Variants in ADAT2 observed in about 807,000 individuals in gnomAD.
ADAT2 encodes the protein adenosine deaminase tRNA specific 2.
A neutral mutation model predicts 25.9 loss-of-function variants in ADAT2; 26 were observed. The ratio of observed to expected loss-of-function variants is 1.00; its 90% CI spans 0.74 to 1.39. ADAT2 has a LOEUF of 1.39. ADAT2 is among the 40% of genes most tolerant of loss of function. The pLI is 0.00. For synonymous variants in ADAT2, 76 were observed against 86.8 expected, an observed-to-expected ratio of 0.88 and a Z score of 0.69; for missense variants, 220 against 244.8, an observed-to-expected ratio of 0.90 and a Z score of 0.68.
At position 143,442,549 on chromosome 6, in the gene ADAT2, G is replaced by A. The variant is rs905170816; in HGVS notation, c.97-3855C>T. Among the ~76,000 whole-genome samples, 1 of 151,302 alleles carries A rather than the reference G, an allele frequency of 6.6e-6. No individual in the cohort carries two copies. The highest frequency in any genetic ancestry group is 2.4e-5 in the African/African-American group (1 of 41,108). On this transcript the variant is annotated intron_variant, in intron 1 of 5. Coordinates refer to ENST00000237283, the MANE Select transcript of ADAT2 (RefSeq NM_182503.3). This position sits in a 1 kb window ranked among gnomAD's most constrained non-coding sequence, Gnocchi z 4.6. Reference sequence around the variant, plus strand: ...TGATGACATCTTAATAAGCTCTGCAGTTTTCCCAATGCATTTTTCCTGGTT... The same window carrying A: ...TGATGACATCTTAATAAGCTCTGCAATTTTCCCAATGCATTTTTCCTGGTT...
rs1199214798 is a variant in ADAT2, at chr6:143,446,555, G to C, written c.96+4008C>G. ...CAAAATTGGGGAAAGTATATGCCTC[G>C]GCAATTCACAGAAGAAAAAAATCTA... On this transcript the variant is annotated intron_variant, in intron 1 of 5. Coordinates refer to ENST00000237283, the MANE Select transcript of ADAT2 (RefSeq NM_182503.3). This position sits in a 1 kb window ranked among gnomAD's most constrained non-coding sequence, Gnocchi z 5.0. 6.6e-6 allele frequency among the ~76,000 whole-genome samples: 1 copy of C among 151,632 alleles called. No homozygotes were observed. Among genetic ancestry groups the C allele is most frequent in the Non-Finnish European group, 1.5e-5 (1 of 67,922 alleles).
rs1484113083 is a variant in ADAT2 at position 143,428,505 on chromosome 6, T to G, written c.534A>C (p.Ala178=). ...CCTTTTTCCGAACTTTCGATTTTGG[T>G]GCTGTGAAAAGAATAGAAAAGAAAA... ...KTFYKQENPN[A]PKSKVRKKEC... is the part of the protein sequence containing the mutation. The change falls in exon 6 of 6, where the codon GCA becomes GCC. Residue 178 remains alanine, a splice_region_variant and synonymous_variant. Coordinates refer to ENST00000237283, the MANE Select transcript of ADAT2 (RefSeq NM_182503.3). This position sits in a 1 kb window ranked among gnomAD's most constrained non-coding sequence, Gnocchi z 5.0. 6.2e-7 allele frequency: 1 copy of G among 1,614,006 alleles called. No individual in the cohort carries two copies. Among genetic ancestry groups the G allele is most frequent in the Non-Finnish European group, 8.5e-7 (1 of 1,179,992 alleles).
chr6:143,432,580 A>C lies in ADAT2; in HGVS notation c.384T>G (p.Asn128Lys). ...CAGAGCCACAACCACCAAATCGTTC[A>C]TTCTGACAGCCATATACAACCAGCG... ...KIPLVVYGCQ[N>K]ERFGGCGSVL... Residue 128 changes from asparagine (N) to lysine (K), a missense_variant, in exon 4 of 6, where the codon AAT (asparagine) becomes AAG (lysine). Transcript: ENST00000237283. This position sits in a 1 kb window ranked among gnomAD's most constrained non-coding sequence, Gnocchi z 4.4. The C allele has an allele frequency of 6.2e-7, 1 of 1,614,224 alleles. No homozygotes were observed. Among genetic ancestry groups the C allele is most frequent in the Non-Finnish European group, 8.5e-7 (1 of 1,180,032 alleles).
Position 143,427,536 on chromosome 6 carries a change from T to C in ADAT2, c.*927A>G, listed in dbSNP as rs1778974382. 1 of 152,256 alleles carries C rather than the reference T, an allele frequency of 6.6e-6. No individual in the cohort carries two copies. The highest frequency in any genetic ancestry group is 1.5e-5 in the Non-Finnish European group (1 of 68,044). 9.4% of individuals were successfully genotyped at this position (152,256 alleles called of 1,614,324 possible). A position where few individuals can be genotyped will look rare whatever the true frequency, so the allele number is the denominator to read the frequency against. On this transcript the variant is annotated 3_prime_UTR_variant, in exon 6 of 6. Coordinates refer to ENST00000237283, the MANE Select transcript of ADAT2 (RefSeq NM_182503.3). ...AATTTTACATTTTAGATTTTAAATT[T>C]ATTATATGGATTATAAAAGAAATAA...
chr6:143,428,969 C>A lies in ADAT2; in HGVS notation c.460-285G>T, dbSNP rs1029041818. On this transcript the variant is annotated intron_variant, in intron 4 of 5. Coordinates refer to ENST00000237283, the MANE Select transcript of ADAT2 (RefSeq NM_182503.3). This position sits in a 1 kb window ranked among gnomAD's most constrained non-coding sequence, Gnocchi z 5.0. ...CAGCTTTGTGATCTTGGGTTAGGCA[C>A]TTAAACTCTCCATGCCTTATTTATA... 6.6e-6 allele frequency among the ~76,000 whole-genome samples: 1 copy of A among 152,180 alleles called. No homozygotes were observed. The highest frequency in any genetic ancestry group is 1.5e-5 in the Non-Finnish European group (1 of 68,040).
rs1029665187 is a variant in ADAT2 at position 143,442,674 on chromosome 6, A to T, written c.97-3980T>A. 1.3e-5 allele frequency among the ~76,000 whole-genome samples: 2 copies of T among 152,208 alleles called. No individual in the cohort carries two copies. The highest frequency in any genetic ancestry group is 2.9e-5 in the Non-Finnish European group (2 of 68,044). On this transcript the variant is annotated intron_variant, in intron 1 of 5. Coordinates refer to ENST00000237283, the MANE Select transcript of ADAT2 (RefSeq NM_182503.3). This position sits in a 1 kb window ranked among gnomAD's most constrained non-coding sequence, Gnocchi z 4.6. ...TTATTGTAATTTCTTGTGAACTTATAATTATTTCAAAATGAAAGTTAAAAA... is the reference window on the plus strand; with the variant it reads ...TTATTGTAATTTCTTGTGAACTTATTATTATTTCAAAATGAAAGTTAAAAA...
At position 143,432,677 on chromosome 6, in the gene ADAT2, T is replaced by G; in HGVS notation, c.353-66A>C. On this transcript the variant is annotated intron_variant, in intron 3 of 5. Transcript: ENST00000237283. The surrounding 1 kb of genome is among the most constrained non-coding windows in gnomAD (Gnocchi z 4.4). ...AGTATGTATCGTGACAAAATCAGAGTAGGTTTATACCAGCCATCCTGGAGA... is the reference window on the plus strand; with the variant it reads ...AGTATGTATCGTGACAAAATCAGAGGAGGTTTATACCAGCCATCCTGGAGA... 2 of 1,498,926 alleles carry G rather than the reference T, an allele frequency of 1.3e-6. No individual in the cohort carries two copies. Among genetic ancestry groups the G allele is most frequent in the Non-Finnish European group, 1.9e-6 (2 of 1,077,180 alleles). 92.9% of individuals were successfully genotyped at this position (1,498,926 alleles called of 1,614,324 possible).
rs1221210314 is a variant in ADAT2, at chr6:143,428,565, T to C, written c.532+47A>G. 1.2e-6 allele frequency: 2 copies of C among 1,612,478 alleles called. No homozygotes were observed. The highest frequency in any genetic ancestry group is 2.2e-5 in the East Asian group (1 of 44,866). On this transcript the variant is annotated intron_variant, in intron 5 of 5. Coordinates refer to ENST00000237283, the MANE Select transcript of ADAT2 (RefSeq NM_182503.3). The surrounding 1 kb of genome is among the most constrained non-coding windows in gnomAD (Gnocchi z 5.0). ...AGAGGTAAGCTCATAGCAGATTCTC[T>C]TTGTATGGATTTAAGGGAAGGACAT... is the stretch of plus-strand genomic sequence containing the variant.
Position 143,450,568 on chromosome 6 carries a change from G to A in ADAT2, c.91C>T (p.His31Tyr). Residue 31 changes from histidine to tyrosine, a missense_variant, in exon 1 of 6, where the codon CAC (histidine) becomes TAC (tyrosine). By Grantham distance (83) the His-to-Tyr change is moderately conservative. Coordinates refer to ENST00000237283, the MANE Select transcript of ADAT2 (RefSeq NM_182503.3). ...CTACCTCCCGGGCTCCTCACCATGT[G>A]CATCGCCTCCTCCATCCACTTTTCG... is the stretch of plus-strand genomic sequence containing the variant. Reference protein sequence around the residue: ...ETEKWMEEAMHMAKEALENTE... With the variant: ...ETEKWMEEAMYMAKEALENTE... 1.9e-6 allele frequency: 3 copies of A among 1,614,062 alleles called. No individual in the cohort carries two copies. The highest frequency in any genetic ancestry group is 1.7e-6 in the Non-Finnish European group (2 of 1,180,014).
chr6:143,439,443 G>T (rs1280464127), intron 1 of ADAT2, among the ~76,000 whole-genome samples: 3 of 151,838 alleles, frequency 2.0e-5, no homozygotes, highest in African/African-American at 7.3e-5. Context: ...TGCACAGGTG[G>T]CCATCAACAA....
chr6:143,449,052 C>CTTTTTT (rs145460814), intron 1 of ADAT2, among the ~76,000 whole-genome samples: 35,527 of 150,920 alleles, frequency 0.24, 4,590 homozygotes, highest in Middle Eastern at 0.3. Context: ...TACTTTGTAT[C>CTTTTTT]TTTTTCTTTT....
chr6:143,434,918 A>C lies in ADAT2; in HGVS notation c.202-937T>G, dbSNP rs1434362048. Among the ~76,000 whole-genome samples, 1 of 152,184 alleles carries C rather than the reference A, an allele frequency of 6.6e-6. No homozygotes were observed. The highest frequency in any genetic ancestry group is 1.5e-5 in the Non-Finnish European group (1 of 68,030). ...GGCTAAATAAATTCTGTGTAGGATA[A>C]AAAGTCTCTGTCCTCAACAAGCATA... On this transcript the variant is annotated intron_variant, in intron 2 of 5. Coordinates refer to ENST00000237283, the MANE Select transcript of ADAT2 (RefSeq NM_182503.3). This position sits in a 1 kb window ranked among gnomAD's most constrained non-coding sequence, Gnocchi z 4.5.
chr6:143,450,583 T>A lies in ADAT2; in HGVS notation c.76A>T (p.Met26Leu). The A allele has an allele frequency of 6.2e-7, 1 of 1,614,056 alleles. No homozygotes were observed. Among genetic ancestry groups the A allele is most frequent in the South Asian group, 1.1e-5 (1 of 91,086 alleles). Residue 26 changes from methionine to leucine, a missense_variant, in exon 1 of 6, where the codon ATG (methionine) becomes TTG (leucine). Physicochemically the swap from Met to Leu is conservative, Grantham distance 15 (BLOSUM62 2). Transcript: ENST00000237283. ...CTCACCATGTGCATCGCCTCCTCCATCCACTTTTCGGTCTCCTCTGCCGAC... is the reference window on the plus strand; with the variant it reads ...CTCACCATGTGCATCGCCTCCTCCAACCACTTTTCGGTCTCCTCTGCCGAC... ...SVSAEETEKW[M>L]EEAMHMAKEA...
At chr6:143,433,282 T>A (rs1779171373) in intron 3 of ADAT2, among the ~76,000 whole-genome samples, 1 of 152,238 alleles carries the variant, frequency 6.6e-6, no homozygotes, top group Non-Finnish European at 1.5e-5. Flanking sequence ...GTCTCTGCAC[T>A]ATTTAAGTTG....
rs1368570706 is a variant in ADAT2 at position 143,432,736 on chromosome 6, C to G, written c.353-125G>C. 1 of 857,632 alleles carries G rather than the reference C, an allele frequency of 1.2e-6. No individual in the cohort carries two copies. Among genetic ancestry groups the G allele is most frequent in the African/African-American group, 1.7e-5 (1 of 59,284 alleles). The allele number at this position is 857,632 out of a possible 1,614,324, so 53.1% of individuals were successfully genotyped here. On this transcript the variant is annotated intron_variant, in intron 3 of 5. Transcript: ENST00000237283. This position sits in a 1 kb window ranked among gnomAD's most constrained non-coding sequence, Gnocchi z 4.4. ...CATGCTACTCTTCAAACCAGTGAAG[C>G]TTAGGATTCGTCTTATAAACCATAC... is the stretch of plus-strand genomic sequence containing the variant.
At position 143,442,569 on chromosome 6, in the gene ADAT2, C is replaced by T. The variant is rs1161280774; in HGVS notation, c.97-3875G>A. Among the ~76,000 whole-genome samples the T allele has an allele frequency of 2.6e-5, 4 of 151,660 alleles. No homozygotes were observed. The highest frequency in any genetic ancestry group is 5.9e-5 in the Non-Finnish European group (4 of 67,952). ...CTGCAGTTTTCCCAATGCATTTTTCCTGGTTTTGATACTGAACTATAGCTA... is the reference window on the plus strand; with the variant it reads ...CTGCAGTTTTCCCAATGCATTTTTCTTGGTTTTGATACTGAACTATAGCTA... On this transcript the variant is annotated intron_variant, in intron 1 of 5. Transcript: ENST00000237283. This position sits in a 1 kb window ranked among gnomAD's most constrained non-coding sequence, Gnocchi z 4.6.
chr6:143,426,611 T>A lies in ADAT2; in HGVS notation c.*1852A>T, dbSNP rs1778942048. 1.3e-5 allele frequency: 2 copies of A among 152,242 alleles called. No homozygotes were observed. The highest frequency in any genetic ancestry group is 2.9e-5 in the Non-Finnish European group (2 of 68,042). 9.4% of individuals were successfully genotyped at this position (152,242 alleles called of 1,614,324 possible). A position where few individuals can be genotyped will look rare whatever the true frequency, so the allele number is the denominator to read the frequency against. ...TATGTATATTGTTAAGTCTTTTCTA[T>A]CCTTCCCTGTCTATCACTTTATTAT... On this transcript the variant is annotated 3_prime_UTR_variant, in exon 6 of 6. Transcript: ENST00000237283. This position sits in a 1 kb window ranked among gnomAD's most constrained non-coding sequence, Gnocchi z 4.1.
chr6:143,431,361 C>A (rs1467527313), intron 4 of ADAT2, among the ~76,000 whole-genome samples: 2 of 152,158 alleles, frequency 1.3e-5, no homozygotes, highest in Non-Finnish European at 2.9e-5. Flanking sequence ...CTTTGTTCTG[C>A]CCAGAAACTG....
Position 143,444,303 on chromosome 6 carries a change from G to A in ADAT2, c.97-5609C>T, listed in dbSNP as rs1230986497. Among the ~76,000 whole-genome samples, 5 of 152,138 alleles carry A rather than the reference G, an allele frequency of 3.3e-5. No individual in the cohort carries two copies. Among genetic ancestry groups the A allele is most frequent in the African/African-American group, 1.2e-4 (5 of 41,434 alleles). The stretch of plus-strand genomic sequence containing the variant: ...TCATTGTTGAGGAATGGCCGAGCCT[G>A]CCATGCTGAGGATGAGTGGGTAAGC... On this transcript the variant is annotated intron_variant, in intron 1 of 5. Transcript: ENST00000237283. This position sits in a 1 kb window ranked among gnomAD's most constrained non-coding sequence, Gnocchi z 4.3.
Sources: gnomAD v4.1 joint callset for allele counts (sites outside exome capture counted in the v4.1 genomes callset) on GRCh38, gnomAD v4.1.1 for gene constraint, Gnocchi (gnomAD v3.1) non-coding constraint, MANE v1.5 for transcripts, NCBI Gene and HGNC (gene_info 2026-07-23, HGNC 2026-07-21) for gene names.